Variants in LRTM3 observed in about 807,000 individuals in gnomAD.
LRTM3 encodes the protein leucine-rich repeat transmembrane protein 3.
the LRTM3 span, chr13:102,748,713 C>G: frequency 1.3e-6 from 2 of 1,549,752 alleles, no homozygotes; most frequent in Non-Finnish European, 1.7e-6. Context: ...ATTCCCTTTG[C>G]TTGTGTAATT....
chr13:102,758,857 C>A, the LRTM3 span: 77 of 1,550,246 alleles, frequency 5.0e-5, no homozygotes, highest in Non-Finnish European at 6.5e-5. Flanking sequence ...TCTAGAAAGT[C>A]CCATAATGTC....
chr13:102,746,648 T>G, the LRTM3 span: 7 of 1,551,252 alleles, frequency 4.5e-6, no homozygotes, highest in Non-Finnish European at 6.1e-6. Context: ...TACTCTCTTT[T>G]TCATCACTTT....
chr13:102,743,677 A>G, the LRTM3 span: 3 of 1,549,858 alleles, frequency 1.9e-6, no homozygotes, highest in South Asian at 1.2e-5. Flanking sequence ...TAATATGACC[A>G]TGATTTTCTT....
At chr13:102,748,735 A>G in the LRTM3 span, 2 of 1,549,732 alleles carry the variant, frequency 1.3e-6, no homozygotes, top group Non-Finnish European at 1.7e-6. Context: ...AGTCTTTAAG[A>G]GATTCTTTAC....
the LRTM3 span, chr13:102,747,282 T>A: frequency 9.0e-6 from 14 of 1,549,194 alleles, no homozygotes; most frequent in Non-Finnish European, 1.1e-5. Flanking sequence ...TAAATAACAT[T>A]CAGAAGCATA....
chr13:102,738,881 T>A, the LRTM3 span: 1 of 1,550,728 alleles, frequency 6.4e-7, no homozygotes, highest in Non-Finnish European at 8.7e-7. Context: ...CTGCTTCACC[T>A]CCAAAGCTAT....
At chr13:102,758,603 G>A in the LRTM3 span, 1 of 1,539,396 alleles carries the variant, frequency 6.5e-7, no homozygotes, top group Non-Finnish European at 8.8e-7. Context: ...AAAATTGTTA[G>A]AGGAGTAATC....
the LRTM3 span, chr13:102,749,747 C>T: frequency 1.3e-6 from 2 of 1,551,338 alleles, no homozygotes; most frequent in South Asian, 2.4e-5. Context: ...TTGGGCTTGA[C>T]TAGTAAATTG....
chr13:102,733,350 G>C, the LRTM3 span: 4 of 1,551,202 alleles, frequency 2.6e-6, no homozygotes, highest in Non-Finnish European at 3.5e-6. Context: ...TCTTCCTTTG[G>C]CTTATCAAAT....
At chr13:102,732,884 T>G in the LRTM3 span, 1 of 1,551,478 alleles carries the variant, frequency 6.4e-7, no homozygotes, top group Non-Finnish European at 8.7e-7. Flanking sequence ...GTCTGTTTGA[T>G]GTTTTTCCTC....
chr13:102,734,187 T>A, the LRTM3 span: 2 of 1,551,464 alleles, frequency 1.3e-6, no homozygotes, highest in Non-Finnish European at 1.7e-6. Flanking sequence ...CTGAACCTCA[T>A]ATCTATCGTT....
the LRTM3 span, chr13:102,730,347 A>C: frequency 6.4e-7 from 1 of 1,551,050 alleles, no homozygotes; most frequent in South Asian, 1.2e-5. Context: ...AGACATGAAC[A>C]CTCGTCCAAG....
chr13:102,739,929 T>C, the LRTM3 span: 1 of 1,550,236 alleles, frequency 6.5e-7, no homozygotes, highest in Non-Finnish European at 8.7e-7. Flanking sequence ...CCACAGTCAC[T>C]GGTATTGAGT....
the LRTM3 span, chr13:102,731,706 C>A: frequency 1.3e-6 from 2 of 1,551,382 alleles, no homozygotes; most frequent in Non-Finnish European, 8.7e-7. Context: ...CTGTCTGCAA[C>A]TATTTTGACT....
At chr13:102,752,570 C>G in the LRTM3 span, among the ~76,000 whole-genome samples, 4 of 152,170 alleles carry the variant, frequency 2.6e-5, no homozygotes, top group East Asian at 7.7e-4. Flanking sequence ...TTAGGCTACA[C>G]TAATGATTTT....
chr13:102,730,179 C>A, the LRTM3 span: 1 of 1,550,566 alleles, frequency 6.4e-7, no homozygotes, highest in Admixed American at 2.0e-5. Context: ...CAATGGGAAC[C>A]TGAATCTTCA....
chr13:102,735,553 C>G, the LRTM3 span: 3 of 1,550,930 alleles, frequency 1.9e-6, no homozygotes, highest in South Asian at 3.6e-5. Context: ...TTTTCCACTG[C>G]AATTTTTTGG....
At chr13:102,740,280 A>G in the LRTM3 span, 1 of 1,550,128 alleles carries the variant, frequency 6.5e-7, no homozygotes, top group Non-Finnish European at 8.7e-7. Flanking sequence ...GGCAGCATTG[A>G]ATCTTGTTTT....
the LRTM3 span, chr13:102,748,518 G>A: frequency 6.4e-7 from 1 of 1,550,814 alleles, no homozygotes; most frequent in Non-Finnish European, 8.7e-7. Context: ...GAAAGTTGAA[G>A]ATGGGAATTT....
Sources: allele counts gnomAD v4.1 joint callset (sites outside exome capture counted in the v4.1 genomes callset), GRCh38; gene constraint gnomAD v4.1.1; transcripts MANE v1.5; gene names NCBI Gene and HGNC (gene_info 2026-07-23, HGNC 2026-07-21).